KCTD19: variants seen among roughly 807,000 people sequenced by gnomAD.
The protein encoded by KCTD19 is potassium channel tetramerization domain containing 19.
A neutral mutation model predicts 103.5 loss-of-function variants in KCTD19; 67 were observed. The ratio of observed to expected loss-of-function variants is 0.65; its 90% CI spans 0.53 to 0.79. KCTD19 has a LOEUF of 0.79. Among genes scored for constraint, KCTD19 ranks in the 30% least tolerant of loss-of-function variants. KCTD19 has a pLI of 0.00. For missense variants in KCTD19, 980 were observed against 1,136.1 expected, an observed-to-expected ratio of 0.86 and a Z score of 1.98; for synonymous variants, 439 against 452.2, an observed-to-expected ratio of 0.97 and a Z score of 0.37.
chr16:67,302,069 G>T (rs903720528), intron 4 of KCTD19, 147 bp from the exon 5 acceptor site: 10 of 687,568 alleles, frequency 1.5e-5, no homozygotes, highest in Non-Finnish European at 2.5e-5. Context: ...TATTAGATTA[G>T]CTTTGAGTGT....
chr16:67,299,018 T>C (rs927972589), intron 6 of KCTD19, among the ~76,000 whole-genome samples: 5 of 152,236 alleles, frequency 3.3e-5, no homozygotes, highest in Non-Finnish European at 7.3e-5. Context: ...AGGACCTTTG[T>C]AGAGGGGTCT....
In KCTD19 at chr16:67,295,718, A is replaced by G. The variant is rs554372712; in HGVS notation, c.1249-313T>C. ...TATGCAAACTCTGGAGGGCCTTCCCAGCAGGCCACTCGGTCCACTTGTGCT... is the reference window on the plus strand; with the variant it reads ...TATGCAAACTCTGGAGGGCCTTCCCGGCAGGCCACTCGGTCCACTTGTGCT... On this transcript the variant is annotated intron_variant, in intron 8 of 15. Coordinates refer to ENST00000304372, the MANE Select transcript of KCTD19 (RefSeq NM_001100915.3). 7.5e-4 allele frequency: 254 copies of G among 339,672 alleles called. 2 individuals are homozygous for G. Among genetic ancestry groups the G allele is most frequent in the Non-Finnish European group, 1.2e-3 (224 of 181,914 alleles). 21.0% of individuals were successfully genotyped at this position (339,672 alleles called of 1,614,324 possible).
rs1314254476 is a variant in KCTD19 at position 67,294,092 on chromosome 16, C to G, written c.1670G>C (p.Arg557Thr). 6.2e-7 allele frequency: 1 copy of G among 1,614,062 alleles called. No homozygotes were observed. The highest frequency in any genetic ancestry group is 1.7e-5 in the Admixed American group (1 of 60,024). Reference protein sequence around the residue: ...PWNKAKGNLVRSNQMDEAEQY... With the variant: ...PWNKAKGNLVTSNQMDEAEQY... ...CTCAGCCTCATCCATCTGGTTGGAC[C>G]TGACCAGGTTTCCCTTAGCCTTGTT... The change falls in exon 12 of 16, where the codon AGG becomes ACG. Residue 557 changes from arginine to threonine, a missense_variant. Physicochemically the swap from Arg to Thr is moderately conservative, Grantham distance 71. Transcript: ENST00000304372.
intron 2 of KCTD19, among the ~76,000 whole-genome samples, chr16:67,309,990 C>A (rs780060338): frequency 6.6e-6 from 1 of 152,344 alleles, no homozygotes; most frequent in South Asian, 2.1e-4. Flanking sequence ...CAAAGATTGC[C>A]ATCCTTGCCA....
intron 11 of KCTD19, 107 bp from the exon 12 acceptor site, chr16:67,294,278 A>G (rs2036738376): frequency 8.2e-7 from 1 of 1,217,276 alleles, no homozygotes; most frequent in South Asian, 1.4e-5. Context: ...GCTCTCCCTG[A>G]ACAATCCCAT....
At chr16:67,299,306 G>C in intron 6 of KCTD19, 57 bp downstream of exon 6, 1 of 1,525,124 alleles carries the variant, frequency 6.6e-7, no homozygotes, top group Non-Finnish European at 9.1e-7. Flanking sequence ...GTTATTCCTA[G>C]AGGGAAGGGC....
At position 67,294,109 on chromosome 16, in the gene KCTD19, A is replaced by G. The variant is rs199914291; in HGVS notation, c.1653T>C (p.Ala551=). ...GGTTGGACCTGACCAGGTTTCCCTT[A>G]GCCTTGTTCCATGGAGTCCTGTCAC... The part of the protein sequence containing the change: ...DCSDRTPWNK[A]KGNLVRSNQM... The change falls in exon 12 of 16, where the codon GCT becomes GCC. Residue 551 remains alanine (A), a synonymous_variant. Coordinates refer to ENST00000304372, the MANE Select transcript of KCTD19 (RefSeq NM_001100915.3). The G allele has an allele frequency of 3.4e-5, 55 of 1,612,862 alleles. No homozygotes were observed. The highest frequency in any genetic ancestry group is 4.6e-5 in the Non-Finnish European group (54 of 1,178,950).
chr16:67,325,376 C>A (rs904126664), intron 1 of KCTD19, among the ~76,000 whole-genome samples: 2 of 145,606 alleles, frequency 1.4e-5, no homozygotes, highest in Non-Finnish European at 3.0e-5. Flanking sequence ...CCACGCCCGG[C>A]TTTATTTTAT....
At position 67,303,108 on chromosome 16, in the gene KCTD19, C is replaced by CTGGGGGGGGGGGGGGG; in HGVS notation, c.643+37_643+38insCCCCCCCCCCCCCCCA. 5.0e-6 allele frequency: 4 copies of CTGGGGGGGGGGGGGGG among 798,076 alleles called. No individual in the cohort carries two copies. Among genetic ancestry groups the CTGGGGGGGGGGGGGGG allele is most frequent in the Non-Finnish European group, 8.4e-6 (4 of 476,658 alleles). The allele number at this position is 798,076 out of a possible 1,614,324, so 49.4% of individuals were successfully genotyped here. A position where few individuals can be genotyped will look rare whatever the true frequency, so the allele number is the denominator to read the frequency against. On this transcript the variant is annotated intron_variant, in intron 4 of 15. Transcript: ENST00000304372. The surrounding 1 kb of genome is among the most constrained non-coding windows in gnomAD (Gnocchi z 4.3). The stretch of plus-strand genomic sequence containing the variant: ...ATGGGGAGGGGTGAATGGGCCCTAT[C>CTGGGGGGGGGGGGGGG]AGCCCGCCCCCCACCCCACCCCGGA...
At chr16:67,299,864 C>G (rs867356151) in intron 5 of KCTD19, 5 of 460,628 alleles carry the variant, frequency 1.1e-5, no homozygotes, top group Middle Eastern at 5.5e-4. Context: ...GCCATCTGGC[C>G]CTAGCCTCTG....
chr16:67,291,384 G>T lies in KCTD19; in HGVS notation c.2490C>A (p.Ile830=). ...AQKCHCFLAD[I]IMDSIRQKDP... ...CCTTTTGCCTGATGGAATCCATGAT[G>T]ATGTCAGCCAGGAAGCAGTGACATT... The change falls in exon 14 of 16, where the codon ATC becomes ATA. Residue 830 remains isoleucine, a synonymous_variant. Transcript: ENST00000304372. 1.2e-6 allele frequency: 2 copies of T among 1,614,204 alleles called. No homozygotes were observed. The highest frequency in any genetic ancestry group is 2.2e-5 in the South Asian group (2 of 91,086).
intron 12 of KCTD19, among the ~76,000 whole-genome samples, chr16:67,292,569 A>G (rs1047583800): frequency 5.9e-5 from 9 of 152,304 alleles, no homozygotes; most frequent in Admixed American, 1.3e-4. Context: ...TGACAGACCA[A>G]CTTAGGGCTC....
At chr16:67,304,067 A>G (rs1011503217) in intron 3 of KCTD19, among the ~76,000 whole-genome samples, 2 of 152,218 alleles carry the variant, frequency 1.3e-5, no homozygotes, top group African/African-American at 2.4e-5. Flanking sequence ...AGGCTGAACT[A>G]TGCTGCCAGG....
At chr16:67,299,755 G>A in intron 5 of KCTD19, 182 bp from the exon 6 acceptor site, 2 of 581,882 alleles carry the variant, frequency 3.4e-6, no homozygotes, top group Non-Finnish European at 6.0e-6. Flanking sequence ...GTATACTCAG[G>A]CTTAGAAGTC....
At chr16:67,322,367 C>T (rs1307904783) in intron 1 of KCTD19, among the ~76,000 whole-genome samples, 1 of 150,478 alleles carries the variant, frequency 6.6e-6, no homozygotes, top group Non-Finnish European at 1.5e-5. Context: ...GTAACAATCT[C>T]GGCTCACTGC....
At position 67,293,257 on chromosome 16, in the gene KCTD19, C is replaced by T. The variant is rs1177116638; in HGVS notation, c.2218+287G>A. Among the ~76,000 whole-genome samples the T allele has an allele frequency of 6.6e-6, 1 of 152,174 alleles. No individual in the cohort carries two copies. The highest frequency in any genetic ancestry group is 1.9e-4 in the East Asian group (1 of 5,188). On this transcript the variant is annotated intron_variant, in intron 12 of 15. Transcript: ENST00000304372. This position sits in a 1 kb window ranked among gnomAD's most constrained non-coding sequence, Gnocchi z 4.0. ...CTGCGCTTCCAAACATCCTGGACTT[C>T]TCCTTCCTTCCCCTGCTGACTCCCC...
rs775744430 is a variant in KCTD19, at chr16:67,299,542, CAG to C, written c.805_806del (p.Leu269GlufsTer79). 15 of 1,613,540 alleles carry C rather than the reference CAG, an allele frequency of 9.3e-6. No homozygotes were observed. Among genetic ancestry groups the C allele is most frequent in the Non-Finnish European group, 1.3e-5 (15 of 1,179,948 alleles). On this transcript the variant is annotated frameshift_variant, in exon 6 of 16. Transcript: ENST00000304372. LOFTEE classifies it high-confidence loss of function. Reference protein sequence around the residue: ...GGCSPTTCSPLSPGKGARTAS... With the variant: ...GGCSPTTCSPXSPGKGARTAS... ...CTGTGCGGGCCCCCTTCCCGGGGCT[CAG>C]GGGAGAACAGGTGGTCGGGGAACAG...
chr16:67,324,221 T>C (rs1469673178), intron 1 of KCTD19, among the ~76,000 whole-genome samples: 1 of 152,162 alleles, frequency 6.6e-6, no homozygotes, highest in Non-Finnish European at 1.5e-5. Context: ...AGTTTATCAA[T>C]ACGATGGAAA....
chr16:67,314,820 TATATATATATAGAG>T (rs1453484476), intron 2 of KCTD19, among the ~76,000 whole-genome samples: 678 of 84,690 alleles, frequency 8.0e-3, no homozygotes, highest in Non-Finnish European at 0.012. Context: ...TATATATATA[TATATATATATAGAG>T]AGAGAGAGAG....
Sources: allele counts gnomAD v4.1 joint callset (sites outside exome capture counted in the v4.1 genomes callset), GRCh38; gene constraint gnomAD v4.1.1; non-coding constraint Gnocchi (gnomAD v3.1); transcripts MANE v1.5; gene names NCBI Gene and HGNC (gene_info 2026-07-23, HGNC 2026-07-21).